The following MAD1L1 variants were observed in gnomAD, a reference collection of about 807,000 sequenced individuals.
MAD1L1 encodes the protein mitotic arrest deficient 1 like 1.
Under a neutral mutation model 96.9 loss-of-function variants are expected in MAD1L1, and 95 were observed. The ratio of observed to expected loss-of-function variants is 0.98; its 90% CI spans 0.83 to 1.16. MAD1L1 has a LOEUF of 1.16. Among genes scored for constraint, MAD1L1 ranks in the 50% most tolerant of loss-of-function variants. The probability of loss-of-function intolerance (pLI) is 0.00; values close to 1 mark genes in which losing one functional copy is unlikely to be tolerated. For synonymous variants in MAD1L1, 473 were observed against 396.6 expected, an observed-to-expected ratio of 1.19 and a Z score of -2.29; for missense variants, 1,007 against 954.4, an observed-to-expected ratio of 1.06 and a Z score of -0.73.
intron 18 of MAD1L1, among the ~76,000 whole-genome samples, chr7:1,864,281 G>A (rs1784669049): frequency 6.6e-6 from 1 of 152,204 alleles, no homozygotes. Context: ...GGCGGCTGCA[G>A]GGCTCATGGC....
intron 18 of MAD1L1, among the ~76,000 whole-genome samples, chr7:1,840,952 G>A (rs950032175): frequency 2.5e-4 from 38 of 152,248 alleles, no homozygotes; most frequent in African/African-American, 8.4e-4. Flanking sequence ...GCAAACCCTG[G>A]CGGGGCCAGG....
At chr7:2,060,986 A>G (rs1460096913) in intron 12 of MAD1L1, among the ~76,000 whole-genome samples, 1 of 152,240 alleles carries the variant, frequency 6.6e-6, no homozygotes, top group Non-Finnish European at 1.5e-5. Context: ...CGTTTCAACA[A>G]AAGACTTTCA....
At chr7:2,077,909 C>T (rs1785455153) in intron 11 of MAD1L1, among the ~76,000 whole-genome samples, 2 of 152,234 alleles carry the variant, frequency 1.3e-5, no homozygotes, top group Admixed American at 1.3e-4. Context: ...AGCCTCGCAG[C>T]AGCCTGGATC....
chr7:2,060,174 G>A (rs572491994), intron 12 of MAD1L1, among the ~76,000 whole-genome samples: 9 of 146,332 alleles, frequency 6.2e-5, no homozygotes, highest in African/African-American at 1.1e-4. Context: ...GAGATACGCC[G>A]ATGCCGAGAT....
chr7:2,117,002 G>A (rs1436473801), intron 11 of MAD1L1, among the ~76,000 whole-genome samples: 3 of 152,226 alleles, frequency 2.0e-5, no homozygotes, highest in Admixed American at 6.5e-5. Context: ...AAGGAAACCC[G>A]ACCTTGGGGA....
chr7:1,847,911 G>A (rs572957410), intron 18 of MAD1L1: 2 of 357,684 alleles, frequency 5.6e-6, no homozygotes, highest in African/African-American at 4.3e-5. Flanking sequence ...CACCCACGCA[G>A]CTGCTCACCT....
chr7:1,980,391 G>T, intron 15 of MAD1L1, 62 bp downstream of exon 15: 1 of 1,421,014 alleles, frequency 7.0e-7, no homozygotes, highest in Middle Eastern at 1.9e-4. Flanking sequence ...ACACCTGGGC[G>T]TATCCGCCTC....
intron 12 of MAD1L1, among the ~76,000 whole-genome samples, chr7:2,029,559 G>T (rs73672014): frequency 0.04 from 6,110 of 152,182 alleles, 184 homozygotes; most frequent in East Asian, 0.087. Context: ...CTAATAAAAA[G>T]ATTAAAAGGC....
In MAD1L1 at chr7:2,099,931, G is replaced by A. The variant is rs537858335; in HGVS notation, c.1074-30593C>T. 9.8e-5 allele frequency among the ~76,000 whole-genome samples: 15 copies of A among 152,342 alleles called. No individual in the cohort carries two copies. The South Asian group carries it at 3.1e-3, about 32-fold the overall frequency. Reference sequence around the variant, plus strand: ...CACCAATGCTCTTGGTGTCATCTGGGCTAACCTAGCACATGGATTTTCAAA... The same window carrying A: ...CACCAATGCTCTTGGTGTCATCTGGACTAACCTAGCACATGGATTTTCAAA... On this transcript the variant is annotated intron_variant, in intron 11 of 18. Coordinates refer to ENST00000265854, the MANE Select transcript of MAD1L1 (RefSeq NM_001013836.2).
intron 11 of MAD1L1, among the ~76,000 whole-genome samples, chr7:2,130,475 T>C (rs1034323446): frequency 6.6e-6 from 1 of 152,110 alleles, no homozygotes; most frequent in South Asian, 2.1e-4. Flanking sequence ...CTGCGGCAGG[T>C]CTGGGAAAGG....
intron 14 of MAD1L1, among the ~76,000 whole-genome samples, chr7:1,998,042 G>A (rs1028223990): frequency 1.4e-4 from 21 of 152,118 alleles, no homozygotes; most frequent in Admixed American, 7.9e-4. Context: ...ACGGTGCTGC[G>A]TACGATGAAT....
chr7:2,021,185 T>C (rs934031519), intron 12 of MAD1L1, among the ~76,000 whole-genome samples: 4 of 152,110 alleles, frequency 2.6e-5, no homozygotes, highest in Non-Finnish European at 5.9e-5. Context: ...TGGCCGAGAT[T>C]TGTCAAATCT....
chr7:1,936,849 G>A lies in MAD1L1; in HGVS notation c.1645C>T (p.Pro549Ser), dbSNP rs780616815. Residue 549 changes from proline to serine, a missense_variant, in exon 17 of 19, where the codon CCC (proline) becomes TCC (serine). Coordinates refer to ENST00000265854, the MANE Select transcript of MAD1L1 (RefSeq NM_001013836.2). ...RTKVLHMSLNPTSVARQRLRE... is the reference protein window; with the variant it reads ...RTKVLHMSLNSTSVARQRLRE... ...AGGCGCTGCCTGGCCACACTGGTGGGGTTCAGGCTCATGTGCAGCACTTTG... is the reference window on the plus strand; with the variant it reads ...AGGCGCTGCCTGGCCACACTGGTGGAGTTCAGGCTCATGTGCAGCACTTTG... 2 of 1,606,838 alleles carry A rather than the reference G, an allele frequency of 1.2e-6. No homozygotes were observed. The highest frequency in any genetic ancestry group is 1.7e-6 in the Non-Finnish European group (2 of 1,177,048).
chr7:2,226,414 T>C (rs929628325), intron 3 of MAD1L1, among the ~76,000 whole-genome samples: 3 of 151,384 alleles, frequency 2.0e-5, no homozygotes, highest in Admixed American at 6.6e-5. Context: ...GAAGTCTGCC[T>C]GCCACACAGG....
chr7:1,874,143 C>T (rs988060876), intron 18 of MAD1L1, among the ~76,000 whole-genome samples: 28 of 152,288 alleles, frequency 1.8e-4, no homozygotes, highest in African/African-American at 6.5e-4. Context: ...GGATGGAAAA[C>T]GAAGGTCAGG....
chr7:1,932,245 T>C (rs950156909), intron 17 of MAD1L1, among the ~76,000 whole-genome samples: 1 of 152,180 alleles, frequency 6.6e-6, no homozygotes, highest in Non-Finnish European at 1.5e-5. Flanking sequence ...CTCTGCTCTA[T>C]ATCCCAGAAC....
chr7:1,855,278 C>T (rs936253482), intron 18 of MAD1L1, among the ~76,000 whole-genome samples: 6 of 152,022 alleles, frequency 3.9e-5, no homozygotes, highest in African/African-American at 1.2e-4. Flanking sequence ...CCCTATCAAA[C>T]GGTTGCGGGC....
At chr7:2,083,816 G>A (rs1051069961) in intron 11 of MAD1L1, among the ~76,000 whole-genome samples, 2 of 152,226 alleles carry the variant, frequency 1.3e-5, no homozygotes, top group African/African-American at 2.4e-5. Flanking sequence ...AGGAGCGCCC[G>A]TTCCCATCTC....
intron 10 of MAD1L1, among the ~76,000 whole-genome samples, chr7:2,198,084 T>A (rs1038033198): frequency 1.5e-5 from 2 of 131,098 alleles, no homozygotes; most frequent in East Asian, 4.2e-4. Context: ...TGAGTTTGGG[T>A]TTTTTTTTTT....
Sources: gnomAD v4.1 joint callset for allele counts (sites outside exome capture counted in the v4.1 genomes callset) on GRCh38, gnomAD v4.1.1 for gene constraint, MANE v1.5 for transcripts, NCBI Gene and HGNC (gene_info 2026-07-23, HGNC 2026-07-21) for gene names.